ITGB1BP1: variants seen among roughly 807,000 people sequenced by gnomAD.
The protein encoded by ITGB1BP1 is integrin subunit beta 1 binding protein 1, also known as integrin beta-1-binding protein 1.
ITGB1BP1 carries 20 observed loss-of-function variants against 28.0 expected under a neutral mutation model. The observed-to-expected ratio is 0.71, with a 90% CI of 0.50 to 1.04. ITGB1BP1 has a LOEUF of 1.04. Ranked by LOEUF, ITGB1BP1 falls within the 50% of genes least tolerant of loss-of-function variation. The pLI is 0.00. For missense variants in ITGB1BP1, 228 were observed against 242.5 expected (o/e 0.94, Z 0.40); for synonymous variants, 103 against 89.5 (o/e 1.15, Z -0.85).
Position 9,407,512 on chromosome 2 carries a change from A to C in ITGB1BP1, c.468T>G (p.Ala156=). 6.2e-7 allele frequency: 1 copy of C among 1,614,202 alleles called. No individual in the cohort carries two copies. The highest frequency in any genetic ancestry group is 2.2e-5 in the East Asian group (1 of 44,882). Residue 156 remains alanine, a synonymous_variant, in exon 6 of 7, where the codon GCT becomes GCG. Transcript: ENST00000355346. The part of the protein sequence containing the change: ...DGLGAGKSLL[A]LKTTDASNEE... Reference sequence around the variant, plus strand: ...CATTGCTTGCATCTGTGGTCTTCAGAGCCAGTAAGCTTTTTCCCGCCCCCA... The same window carrying C: ...CATTGCTTGCATCTGTGGTCTTCAGCGCCAGTAAGCTTTTTCCCGCCCCCA...
At chr2:9,407,757 A>T (rs765542285) in intron 5 of ITGB1BP1, among the ~76,000 whole-genome samples, 159 bp from the exon 6 acceptor site, 3 of 152,184 alleles carry the variant, frequency 2.0e-5, no homozygotes, top group Non-Finnish European at 4.4e-5. Context: ...CAATGCCTTC[A>T]GATCCCAGCA....
chr2:9,407,743 CG>C, intron 5 of ITGB1BP1, 145 bp from the exon 6 acceptor site: 6 of 851,560 alleles, frequency 7.0e-6, no homozygotes, highest in Non-Finnish European at 1.1e-5. Flanking sequence ...TGCTCAGTCT[CG>C]GGCAATGCCT....
chr2:9,407,630 A>T (rs370443483), intron 5 of ITGB1BP1, 32 bp from the exon 6 acceptor site: 80 of 1,612,286 alleles, frequency 5.0e-5, no homozygotes, highest in Non-Finnish European at 6.6e-5. Context: ...CCGAGAGATC[A>T]GGACTCTCAA....
Position 9,407,541 on chromosome 2 carries a change from C to A in ITGB1BP1, c.439G>T (p.Gly147Cys), listed in dbSNP as rs531717039. 6.2e-7 allele frequency: 1 copy of A among 1,614,124 alleles called. No individual in the cohort carries two copies. Among genetic ancestry groups the A allele is most frequent in the African/African-American group, 1.3e-5 (1 of 75,020 alleles). Residue 147 changes from glycine (G) to cysteine (C), a missense_variant, in exon 6 of 7, where the codon GGT becomes TGT. This residue lies in a region of ITGB1BP1 where 192 missense variants were observed against 181.6 expected (regional missense o/e 1.06). Transcript: ENST00000355346. Reference sequence around the variant, plus strand: ...AGTAAGCTTTTTCCCGCCCCCAGACCGTCATCGTAACACACCATCCGGATT... The same window carrying A: ...AGTAAGCTTTTTCCCGCCCCCAGACAGTCATCGTAACACACCATCCGGATT... ...LIIRMVCYDD[G>C]LGAGKSLLAL...
chr2:9,420,166 G>T, intron 1 of ITGB1BP1: 1 of 393,612 alleles, frequency 2.5e-6, no homozygotes, highest in Non-Finnish European at 3.5e-6. Flanking sequence ...GCAACCCAAA[G>T]ATTCTCCGTA....
At chr2:9,412,124 A>G (rs961376379) in intron 4 of ITGB1BP1, 145 bp downstream of exon 4, 2 of 669,876 alleles carry the variant, frequency 3.0e-6, no homozygotes, top group Admixed American at 2.8e-5. Context: ...GCTCACGCAC[A>G]TGTGCGGTGG....
chr2:9,418,005 C>T (rs577353506), intron 2 of ITGB1BP1, among the ~76,000 whole-genome samples: 1 of 152,102 alleles, frequency 6.6e-6, no homozygotes, highest in African/African-American at 2.4e-5. Flanking sequence ...GTGCCATTGT[C>T]CAGGAGGTAG....
intron 2 of ITGB1BP1, among the ~76,000 whole-genome samples, chr2:9,418,292 C>T (rs550708243): frequency 1.3e-5 from 2 of 152,174 alleles, no homozygotes; most frequent in Non-Finnish European, 2.9e-5. Flanking sequence ...ATTATGCACA[C>T]CACAAACCCT....
intron 4 of ITGB1BP1, among the ~76,000 whole-genome samples, chr2:9,409,444 T>C (rs1288401162): frequency 6.6e-6 from 1 of 152,166 alleles, no homozygotes; most frequent in Non-Finnish European, 1.5e-5. Context: ...CAAGCAAAAA[T>C]TCTATGGTGA....
intron 4 of ITGB1BP1, chr2:9,411,977 G>C (rs1361535415): frequency 3.1e-5 from 8 of 257,340 alleles, no homozygotes; most frequent in Admixed American, 5.9e-5. Context: ...GGGAGGCGGA[G>C]ATTACAGTGA....
chr2:9,411,493 A>G (rs1678383758), intron 4 of ITGB1BP1, among the ~76,000 whole-genome samples: 1 of 151,898 alleles, frequency 6.6e-6, no homozygotes, highest in African/African-American at 2.4e-5. Flanking sequence ...AGGCCGAGGC[A>G]GGTGGATCAG....
In ITGB1BP1 at chr2:9,407,531, G is replaced by A. The variant is rs17850889; in HGVS notation, c.449C>T (p.Ala150Val). 2.0e-4 allele frequency: 317 copies of A among 1,613,984 alleles called. No homozygotes were observed. The highest frequency in any genetic ancestry group is 4.5e-4 in the East Asian group (20 of 44,880). ...CTTCAGAGCCAGTAAGCTTTTTCCC[G>A]CCCCCAGACCGTCATCGTAACACAC... ...RMVCYDDGLG[A>V]GKSLLALKTT... The change falls in exon 6 of 7, where the codon GCG becomes GTG. Residue 150 changes from alanine to valine, a missense_variant. Physicochemically the swap from Ala to Val is moderately conservative, Grantham distance 64 (BLOSUM62 0). This residue lies in a region of ITGB1BP1 where 192 missense variants were observed against 181.6 expected (regional missense o/e 1.06). Transcript: ENST00000355346.
chr2:9,411,858 C>T (rs1314958353), intron 4 of ITGB1BP1, among the ~76,000 whole-genome samples: 1 of 151,930 alleles, frequency 6.6e-6, no homozygotes, highest in African/African-American at 2.4e-5. Context: ...GCCTGACCAA[C>T]ATGGAAAAAC....
chr2:9,423,222 GCC>G, intron 1 of ITGB1BP1, 149 bp downstream of exon 1: 1 of 1,104,482 alleles, frequency 9.1e-7, no homozygotes. Flanking sequence ...GCGCGGCCCC[GCC>G]CGGAACCAAG....
In ITGB1BP1 at chr2:9,406,033, GTCAC is replaced by G. The variant is rs1176802353; in HGVS notation, c.*797_*800del. ...AGTCTTCCTCAGGCCTTCAGTGTGTGTCACTGAGTGGACCTCTGTGACATCTCGT... is the reference window on the plus strand; with the variant it reads ...AGTCTTCCTCAGGCCTTCAGTGTGTGTGAGTGGACCTCTGTGACATCTCGT... On this transcript the variant is annotated 3_prime_UTR_variant, in exon 7 of 7. Transcript: ENST00000355346. 1.3e-4 allele frequency: 16 copies of G among 125,884 alleles called. 1 individual carries two copies. The highest frequency in any genetic ancestry group is 9.3e-4 in the East Asian group (4 of 4,318). The allele number at this position is 125,884 out of a possible 1,614,324, so 7.8% of individuals were successfully genotyped here.
chr2:9,407,552 CA>C lies in ITGB1BP1; in HGVS notation c.427del (p.Cys143ValfsTer15). On this transcript the variant is annotated frameshift_variant, in exon 6 of 7. Transcript: ENST00000355346. LOFTEE classifies it high-confidence loss of function. ...HALYLIIRMV[C>X]YDDGLGAGKS... ...TCCCGCCCCCAGACCGTCATCGTAA[CA>C]CACCATCCGGATTATTAAGTAGAGA... 6.2e-7 allele frequency: 1 copy of C among 1,614,168 alleles called. No homozygotes were observed.
chr2:9,421,368 T>C (rs1417551478), intron 1 of ITGB1BP1, among the ~76,000 whole-genome samples: 2 of 152,172 alleles, frequency 1.3e-5, no homozygotes, highest in Non-Finnish European at 2.9e-5. Flanking sequence ...TGCTGCAATT[T>C]TGATGCATGT....
chr2:9,413,624 C>T (rs1678748039), intron 3 of ITGB1BP1, among the ~76,000 whole-genome samples: 1 of 152,092 alleles, frequency 6.6e-6, no homozygotes, highest in Non-Finnish European at 1.5e-5. Context: ...GCCAACGCAC[C>T]CAGCCTGTTT....
In ITGB1BP1 at chr2:9,423,391, T is replaced by A. The variant is rs1680153732; in HGVS notation, c.-54A>T. 3 of 1,141,058 alleles carry A rather than the reference T, an allele frequency of 2.6e-6. No homozygotes were observed. The highest frequency in any genetic ancestry group is 3.3e-6 in the Non-Finnish European group (3 of 918,982). The allele number at this position is 1,141,058 out of a possible 1,614,324, so 70.7% of individuals were successfully genotyped here. ...CGCTCACCTCGCAGCCGCGGGCCCA[T>A]CCCCGGGTTGCGGACTTCGGGGTCC... is the stretch of plus-strand genomic sequence containing the variant. On this transcript the variant is annotated 5_prime_UTR_variant, in exon 1 of 7. The change abolishes an upstream ATG in the 5' untranslated region. Coordinates refer to ENST00000355346, the MANE Select transcript of ITGB1BP1 (RefSeq NM_004763.5).
Sources: gnomAD v4.1 joint callset for allele counts (sites outside exome capture counted in the v4.1 genomes callset) on GRCh38, gnomAD v4.1.1 for gene constraint, gnomAD v4.1.1 regional missense constraint, MANE v1.5 for transcripts, NCBI Gene and HGNC (gene_info 2026-07-23, HGNC 2026-07-21) for gene names.